Variants in AKAP6 observed in about 807,000 individuals in gnomAD.
AKAP6 encodes A-kinase anchoring protein 6.
In AKAP6, 58 loss-of-function variants were observed where a neutral mutation model predicts 188.5. The ratio of observed to expected loss-of-function variants is 0.31; its 90% CI spans 0.25 to 0.38. AKAP6 has a LOEUF of 0.38. Ranked by LOEUF, AKAP6 falls within the 10% of genes least tolerant of loss-of-function variation. AKAP6 has a pLI of 1.00. For missense variants in AKAP6, 2,710 were observed against 2,740.0 expected, an observed-to-expected ratio of 0.99 and a Z score of 0.24; for synonymous variants, 989 against 998.6, an observed-to-expected ratio of 0.99 and a Z score of 0.18.
At chr14:32,495,797 T>C (rs1055087649) in intron 2 of AKAP6, among the ~76,000 whole-genome samples, 1 of 152,190 alleles carries the variant, frequency 6.6e-6, no homozygotes, top group African/African-American at 2.4e-5. Flanking sequence ...CCAGAACATA[T>C]GGTTTTCTTA....
At chr14:32,618,698 T>G (rs1195157680) in intron 7 of AKAP6, among the ~76,000 whole-genome samples, 1 of 152,196 alleles carries the variant, frequency 6.6e-6, no homozygotes, top group Non-Finnish European at 1.5e-5. Flanking sequence ...TTTGTTTCAT[T>G]TGAGTAGATA....
intron 2 of AKAP6, among the ~76,000 whole-genome samples, chr14:32,462,387 A>C (rs1268068343): frequency 6.6e-6 from 1 of 152,192 alleles, no homozygotes; most frequent in Admixed American, 6.5e-5. Flanking sequence ...ATCCCTCTGC[A>C]GAAACCCTGT....
At chr14:32,676,148 A>G (rs1287873119) in intron 7 of AKAP6, among the ~76,000 whole-genome samples, 1 of 152,200 alleles carries the variant, frequency 6.6e-6, no homozygotes, top group Non-Finnish European at 1.5e-5. Context: ...TAGTGTGGGT[A>G]TAATACTCGT....
intron 2 of AKAP6, among the ~76,000 whole-genome samples, chr14:32,521,112 A>G (rs1459027757): frequency 6.6e-6 from 1 of 152,216 alleles, no homozygotes. Flanking sequence ...TAGATGCAGA[A>G]AAGGCCTTTG....
intron 9 of AKAP6, among the ~76,000 whole-genome samples, chr14:32,705,745 G>T (rs1890788068): frequency 6.6e-6 from 1 of 152,136 alleles, no homozygotes; most frequent in African/African-American, 2.4e-5. Context: ...GCTTAAAGCT[G>T]CAAAGATTTA....
At chr14:32,490,729 A>G (rs1031150986) in intron 2 of AKAP6, among the ~76,000 whole-genome samples, 3 of 152,152 alleles carry the variant, frequency 2.0e-5, no homozygotes, top group Admixed American at 2.0e-4. Flanking sequence ...TGAGGGGGAA[A>G]ATGGTGCCAA....
intron 2 of AKAP6, among the ~76,000 whole-genome samples, chr14:32,473,041 A>G (rs1332504398): frequency 6.6e-6 from 1 of 152,238 alleles, no homozygotes; most frequent in African/African-American, 2.4e-5. Context: ...TCACCCAAAC[A>G]CACATATTTG....
At chr14:32,692,204 CTGTT>C (rs1439171406) in intron 8 of AKAP6, among the ~76,000 whole-genome samples, 2 of 152,026 alleles carry the variant, frequency 1.3e-5, no homozygotes, top group African/African-American at 2.4e-5. Flanking sequence ...CCAGTGTAGA[CTGTT>C]TGAGAAAAAG....
chr14:32,686,512 T>C (rs192993178), intron 8 of AKAP6, among the ~76,000 whole-genome samples: 2 of 152,290 alleles, frequency 1.3e-5, no homozygotes, highest in Admixed American at 1.3e-4. Flanking sequence ...CATGATGTGA[T>C]TATTACTTAT....
At chr14:32,407,940 C>T (rs184168878) in intron 1 of AKAP6, among the ~76,000 whole-genome samples, 2 of 152,298 alleles carry the variant, frequency 1.3e-5, no homozygotes, top group South Asian at 2.1e-4. Context: ...CAAAGAGTTT[C>T]CTTGCTGAAC....
At chr14:32,800,218 A>G (rs2033909592) in intron 12 of AKAP6, among the ~76,000 whole-genome samples, 1 of 148,402 alleles carries the variant, frequency 6.7e-6, no homozygotes, top group Non-Finnish European at 1.5e-5. Flanking sequence ...ACACACATCT[A>G]TATATACATA....
In AKAP6 at chr14:32,786,296, A is replaced by ATGTTTTTTTTTTTTTTTTTTTTTTTTTTT; in HGVS notation, c.3588+12404_3588+12405insGTTTTTTTTTTTTTTTTTTTTTTTTTTTT. Among the ~76,000 whole-genome samples the ATGTTTTTTTTTTTTTTTTTTTTTTTTTTT allele has an allele frequency of 1.3e-3, 121 of 93,692 alleles. 46 individuals carry two copies. Among genetic ancestry groups the ATGTTTTTTTTTTTTTTTTTTTTTTTTTTT allele is most frequent in the Admixed American group, 1.8e-3 (14 of 7,918 alleles). The allele number at this position is 93,692 out of a possible 152,430, so 61.5% of individuals were successfully genotyped here. ...AGCCCTCTGAAAGACCTAAACCTTTATCTTTTTTTTTTTTTTTTTTTTTTT... is the reference window on the plus strand; with the variant it reads ...AGCCCTCTGAAAGACCTAAACCTTTATGTTTTTTTTTTTTTTTTTTTTTTTTTTTTCTTTTTTTTTTTTTTTTTTTTTTT... On this transcript the variant is annotated intron_variant, in intron 12 of 13. Transcript: ENST00000280979.
chr14:32,577,276 A>C (rs752629282), intron 5 of AKAP6, 34 bp downstream of exon 5: 2 of 1,595,688 alleles, frequency 1.3e-6, no homozygotes, highest in South Asian at 1.2e-5. Flanking sequence ...GCTGTCAATA[A>C]TCAAAGGATT....
At chr14:32,691,417 A>T (rs1219152676) in intron 8 of AKAP6, among the ~76,000 whole-genome samples, 1 of 152,112 alleles carries the variant, frequency 6.6e-6, no homozygotes, top group Non-Finnish European at 1.5e-5. Context: ...CAAAAAACAC[A>T]CCTTTGCAGC....
chr14:32,627,661 A>T (rs1488461071), intron 7 of AKAP6, among the ~76,000 whole-genome samples: 3 of 152,066 alleles, frequency 2.0e-5, no homozygotes, highest in African/African-American at 7.2e-5. Context: ...AGTTTCCAGG[A>T]AAGGAAAACA....
chr14:32,735,348 C>T (rs117038069), intron 10 of AKAP6, among the ~76,000 whole-genome samples: 1,802 of 152,070 alleles, frequency 0.012, 15 homozygotes, highest in Non-Finnish European at 0.018. Flanking sequence ...TTTTATCTTG[C>T]GAACTATGGG....
At chr14:32,334,476 A>G (rs982788254) in intron 1 of AKAP6, among the ~76,000 whole-genome samples, 6 of 152,176 alleles carry the variant, frequency 3.9e-5, no homozygotes, top group African/African-American at 1.2e-4. Flanking sequence ...TTACTTAATA[A>G]TGACTCCAAA....
At position 32,767,346 on chromosome 14, in the gene AKAP6, C is replaced by G. The variant is rs571152813; in HGVS notation, c.3373-6332C>G. Among the ~76,000 whole-genome samples, 5 of 152,230 alleles carry G rather than the reference C, an allele frequency of 3.3e-5. No homozygotes were observed. The South Asian group carries it at 1.0e-3, about 32-fold the overall frequency. ...AAATAACTCCCAAGCCACTTTCTGT[C>G]ATATCACCCTGTTTTATTTGATAGC... On this transcript the variant is annotated intron_variant, in intron 11 of 13. Coordinates refer to ENST00000280979, the MANE Select transcript of AKAP6 (RefSeq NM_004274.5).
intron 2 of AKAP6, among the ~76,000 whole-genome samples, chr14:32,490,277 C>G (rs1054232184): frequency 6.6e-6 from 1 of 152,100 alleles, no homozygotes; most frequent in Admixed American, 6.6e-5. Flanking sequence ...TGGCTTAGCT[C>G]GGGCTCAGAG....
Sources: gnomAD v4.1 joint callset for allele counts (sites outside exome capture counted in the v4.1 genomes callset) on GRCh38, gnomAD v4.1.1 for gene constraint, MANE v1.5 for transcripts, NCBI Gene and HGNC (gene_info 2026-07-23, HGNC 2026-07-21) for gene names.